SIRPG: variants seen among roughly 807,000 people sequenced by gnomAD.
SIRPG encodes the protein signal regulatory protein gamma, also known as signal-regulatory protein gamma.
A neutral mutation model predicts 35.7 loss-of-function variants in SIRPG; 38 were observed. That is an observed-to-expected ratio of 1.06 (90% CI 0.82 to 1.40). The LOEUF (loss-of-function observed/expected upper bound fraction) is 1.40, where lower values mean the gene tolerates loss of function less well. SIRPG is among the 40% of genes most tolerant of loss of function. The pLI, the probability that SIRPG is intolerant of heterozygous loss-of-function variation, is 0.00. For missense variants in SIRPG, 519 were observed against 483.0 expected (o/e 1.07, Z -0.70); for synonymous variants, 215 against 190.4 (o/e 1.13, Z -1.06).
At chr20:1,668,772 C>G in the SIRPG span, among the ~76,000 whole-genome samples, 3 of 152,128 alleles carry the variant, frequency 2.0e-5, no homozygotes, top group East Asian at 5.8e-4. Flanking sequence ...GAAAAACGTC[C>G]TCAATCATCA....
chr20:1,667,443 T>C, the SIRPG span, among the ~76,000 whole-genome samples: 1 of 152,210 alleles, frequency 6.6e-6, no homozygotes, highest in Non-Finnish European at 1.5e-5. Flanking sequence ...TTTAAAAGAA[T>C]TTAAACAAGA....
chr20:1,667,831 C>T, the SIRPG span, among the ~76,000 whole-genome samples: 1 of 152,174 alleles, frequency 6.6e-6, no homozygotes, highest in Non-Finnish European at 1.5e-5. Flanking sequence ...CAGGTAAAGT[C>T]AAAATGCACA....
intron 2 of SIRPG, among the ~76,000 whole-genome samples, chr20:1,643,338 C>T (rs1419034218): frequency 2.6e-5 from 4 of 152,154 alleles, no homozygotes; most frequent in East Asian, 1.9e-4. Flanking sequence ...ACTCTGATAT[C>T]CTTTCTTCTG....
the SIRPG span, among the ~76,000 whole-genome samples, chr20:1,684,651 T>C: frequency 6.6e-6 from 1 of 152,298 alleles, no homozygotes; most frequent in African/African-American, 2.4e-5. Flanking sequence ...TATTCCTATG[T>C]TTACTTCCCT....
At chr20:1,666,276 A>G in the SIRPG span, 1 of 152,246 alleles carries the variant, frequency 6.6e-6, no homozygotes, top group African/African-American at 2.4e-5. Context: ...AAAACCTCAT[A>G]ACATGAAAAT....
rs2122561210 is a variant in SIRPG at position 1,651,700 on chromosome 20, G to C, written c.74-2292C>G. ...GTTCATGGCTTACGGATTTGCTACTGATTGGCTCCACAATTTGAGAAGGTT... is the reference window on the plus strand; with the variant it reads ...GTTCATGGCTTACGGATTTGCTACTCATTGGCTCCACAATTTGAGAAGGTT... On this transcript the variant is annotated intron_variant, in intron 1 of 5. Transcript: ENST00000303415. Among the ~76,000 whole-genome samples the C allele has an allele frequency of 1.3e-5, 2 of 152,248 alleles. 1 individual carries two copies. The highest frequency in any genetic ancestry group is 3.9e-4 in the East Asian group (2 of 5,176).
chr20:1,676,238 G>T, the SIRPG span, among the ~76,000 whole-genome samples: 1 of 152,112 alleles, frequency 6.6e-6, no homozygotes, highest in Non-Finnish European at 1.5e-5. Flanking sequence ...AGGAAATTAG[G>T]CAGTGTTCTT....
the SIRPG span, chr20:1,671,105 G>C: frequency 4.7e-6 from 2 of 429,980 alleles, no homozygotes; most frequent in South Asian, 3.7e-5. Context: ...GTGTTTCAGG[G>C]GGAGAAGCCG....
At chr20:1,630,328 G>A in intron 4 of SIRPG, 22 bp from the exon 5 acceptor site, 1 of 1,540,666 alleles carries the variant, frequency 6.5e-7, no homozygotes, top group Non-Finnish European at 8.8e-7. Context: ...GGAAGACGAG[G>A]GGCTATGAGA....
chr20:1,632,463 C>T (rs1395075652), intron 4 of SIRPG, among the ~76,000 whole-genome samples: 1 of 152,122 alleles, frequency 6.6e-6, no homozygotes, highest in Non-Finnish European at 1.5e-5. Flanking sequence ...GCATTTCCAG[C>T]CTTAGTACCT....
At position 1,649,467 on chromosome 20, in the gene SIRPG, T is replaced by C. The variant is rs954223288; in HGVS notation, c.74-59A>G. On this transcript the variant is annotated intron_variant, in intron 1 of 5. Transcript: ENST00000303415. ...CCTTACATAATCCTGTATTTCCTCATGTTTATCAAAGATATTCAGTGACTG... is the reference window on the plus strand; with the variant it reads ...CCTTACATAATCCTGTATTTCCTCACGTTTATCAAAGATATTCAGTGACTG... 3 of 1,466,384 alleles carry C rather than the reference T, an allele frequency of 2.0e-6. No individual in the cohort carries two copies. The African/African-American group carries it at 4.2e-5, about 21-fold the overall frequency. The allele number at this position is 1,466,384 out of a possible 1,614,324, so 90.8% of individuals were successfully genotyped here. A position where few individuals can be genotyped will look rare whatever the true frequency, so the allele number is the denominator to read the frequency against.
At chr20:1,650,226 A>G (rs150610426) in intron 1 of SIRPG, among the ~76,000 whole-genome samples, 1 of 151,942 alleles carries the variant, frequency 6.6e-6, no homozygotes, top group African/African-American at 2.4e-5. Flanking sequence ...TTCTCAAAGA[A>G]TTAATCTCCT....
chr20:1,679,693 AGACCCAATCAGCAG>A, the SIRPG span, among the ~76,000 whole-genome samples: 1 of 152,168 alleles, frequency 6.6e-6, no homozygotes, highest in Non-Finnish European at 1.5e-5. Context: ...TGTTCTTTAT[AGACCCAATCAGCAG>A]GACTTACTCT....
chr20:1,642,587 A>C (rs185081833), intron 2 of SIRPG, among the ~76,000 whole-genome samples: 6 of 152,258 alleles, frequency 3.9e-5, no homozygotes, highest in Non-Finnish European at 8.8e-5. Context: ...TAATATTGTT[A>C]TGTGTGAATT....
intron 2 of SIRPG, among the ~76,000 whole-genome samples, chr20:1,645,641 A>C (rs1025318525): frequency 3.3e-5 from 5 of 152,170 alleles, no homozygotes; most frequent in Non-Finnish European, 7.4e-5. Flanking sequence ...ACAGTCTGTG[A>C]TGTCGGTGTT....
chr20:1,630,678 G>T, intron 4 of SIRPG: 1 of 220,654 alleles, frequency 4.5e-6, no homozygotes, highest in Non-Finnish European at 8.9e-6. Context: ...GGGTCACAAG[G>T]TTACTTGCAT....
upstream of SIRPG, among the ~76,000 whole-genome samples, chr20:1,660,699 G>A (rs1277632011): frequency 1.3e-5 from 2 of 152,174 alleles, no homozygotes; most frequent in Non-Finnish European, 2.9e-5. Flanking sequence ...ATGTTTGAGA[G>A]GACCAGGAAC....
At chr20:1,637,005 G>T (rs6034248) in intron 2 of SIRPG, among the ~76,000 whole-genome samples, 14 of 152,314 alleles carry the variant, frequency 9.2e-5, no homozygotes, top group African/African-American at 2.9e-4. Flanking sequence ...TGGGACAGCA[G>T]CATTTTCCCT....
the SIRPG span, among the ~76,000 whole-genome samples, chr20:1,679,549 C>A: frequency 1.3e-5 from 2 of 152,028 alleles, no homozygotes; most frequent in African/African-American, 4.8e-5. Flanking sequence ...CTTGGTTGAG[C>A]CTGCTTCACG....
Sources: gnomAD v4.1 joint callset for allele counts (sites outside exome capture counted in the v4.1 genomes callset) on GRCh38, gnomAD v4.1.1 for gene constraint, MANE v1.5 for transcripts, NCBI Gene and HGNC (gene_info 2026-07-23, HGNC 2026-07-21) for gene names.